Variants in PRDM6 observed in about 807,000 individuals in gnomAD.
PRDM6 encodes the protein PR/SET domain 6, also known as putative histone-lysine N-methyltransferase PRDM6.
A neutral mutation model predicts 60.8 loss-of-function variants in PRDM6; 25 were observed. That is an observed-to-expected ratio of 0.41 (90% CI 0.30 to 0.57). The LOEUF (loss-of-function observed/expected upper bound fraction) is 0.57, where lower values mean the gene tolerates loss of function less well. Among genes scored for constraint, PRDM6 ranks in the 20% least tolerant of loss-of-function variants. The pLI is 0.27. For missense variants in PRDM6, 839 were observed against 821.3 expected (o/e 1.02, Z -0.26); for synonymous variants, 407 against 357.4 (o/e 1.14, Z -1.57).
chr5:123,159,454 T>C (rs1264821617), intron 4 of PRDM6, 60 bp from the exon 5 acceptor site: 1 of 1,514,882 alleles, frequency 6.6e-7, no homozygotes, highest in African/African-American at 1.4e-5. Flanking sequence ...AATAAAAATA[T>C]GGATGGGGGC....
Position 123,107,713 on chromosome 5 carries a change from C to T in PRDM6, c.900+7752C>T, listed in dbSNP as rs550558070. 2.2e-4 allele frequency among the ~76,000 whole-genome samples: 34 copies of T among 152,236 alleles called. No homozygotes were observed. The East Asian group carries it at 6.2e-3, about 28-fold the overall frequency. ...TTTAACACAGTGTTGGGAATACAAA[C>T]AATTTTTGTTCTGATTTTTGTCCTG... On this transcript the variant is annotated intron_variant, in intron 3 of 7. Coordinates refer to ENST00000407847, the MANE Select transcript of PRDM6 (RefSeq NM_001136239.4).
At chr5:123,109,964 A>C (rs337134) in intron 3 of PRDM6, among the ~76,000 whole-genome samples, 123,610 of 152,152 alleles carry the variant, frequency 0.81, 50,551 homozygotes, top group Middle Eastern at 0.87. Flanking sequence ...CAGTGTCCAG[A>C]GTATTGTGAC....
At chr5:123,094,460 CGT>C (rs1763914390) in intron 2 of PRDM6, among the ~76,000 whole-genome samples, 1 of 151,976 alleles carries the variant, frequency 6.6e-6, no homozygotes, top group Non-Finnish European at 1.5e-5. Context: ...CTCTCTCTCG[CGT>C]GTGTGCAAGC....
chr5:123,153,412 G>C (rs1009603540), intron 3 of PRDM6, among the ~76,000 whole-genome samples: 2 of 152,122 alleles, frequency 1.3e-5, no homozygotes, highest in Non-Finnish European at 2.9e-5. Flanking sequence ...CTAGGCTCTG[G>C]GGGCTGAGGG....
At chr5:123,129,592 A>G (rs1049138989) in intron 3 of PRDM6, among the ~76,000 whole-genome samples, 7 of 152,216 alleles carry the variant, frequency 4.6e-5, no homozygotes, top group African/African-American at 1.4e-4. Context: ...TATAATTATC[A>G]TTAACAAATA....
intron 5 of PRDM6, among the ~76,000 whole-genome samples, chr5:123,164,252 T>C (rs1423023707): frequency 2.6e-5 from 4 of 152,150 alleles, no homozygotes; most frequent in African/African-American, 4.8e-5. Context: ...TGTCAGGCTG[T>C]CTAAGTCATT....
At chr5:123,112,434 G>C (rs1430381210) in intron 3 of PRDM6, among the ~76,000 whole-genome samples, 1 of 152,160 alleles carries the variant, frequency 6.6e-6, no homozygotes, top group Non-Finnish European at 1.5e-5. Flanking sequence ...CTAATTTGCT[G>C]ATCTTTTTCC....
In PRDM6 at chr5:123,192,641, T is replaced by C. The variant is rs560811049; in HGVS notation, c.*5440T>C. On this transcript the variant is annotated 3_prime_UTR_variant, in exon 8 of 8. Coordinates refer to ENST00000407847, the MANE Select transcript of PRDM6 (RefSeq NM_001136239.4). ...AAAAAAATAACCCTCTCAAGTGTGA[T>C]ATACATTAGGACAAATGGCAACAGG... The C allele has an allele frequency of 2.0e-5, 3 of 152,296 alleles. No individual in the cohort carries two copies. The highest frequency in any genetic ancestry group is 4.4e-5 in the Non-Finnish European group (3 of 68,016). The allele number at this position is 152,296 out of a possible 1,614,324, so 9.4% of individuals were successfully genotyped here.
At position 123,151,107 on chromosome 5, in the gene PRDM6, T is replaced by G. The variant is rs145046481; in HGVS notation, c.901-4777T>G. On this transcript the variant is annotated intron_variant, in intron 3 of 7. Coordinates refer to ENST00000407847, the MANE Select transcript of PRDM6 (RefSeq NM_001136239.4). Reference sequence around the variant, plus strand: ...TCCTTCTATGTGCTGGGCCCTGTATTAGATGTATGGGCATAAAATATGCTT... The same window carrying G: ...TCCTTCTATGTGCTGGGCCCTGTATGAGATGTATGGGCATAAAATATGCTT... Among the ~76,000 whole-genome samples, 357 of 152,264 alleles carry G rather than the reference T, an allele frequency of 2.3e-3. 1 individual carries two copies. The highest frequency in any genetic ancestry group is 8.4e-3 in the African/African-American group (350 of 41,550).
intron 6 of PRDM6, among the ~76,000 whole-genome samples, chr5:123,178,186 T>A (rs1176923715): frequency 6.6e-6 from 1 of 152,112 alleles, no homozygotes; most frequent in East Asian, 1.9e-4. Context: ...CCCCAACTTT[T>A]GACAGCAGAG....
chr5:123,159,837 C>T (rs1334636430), intron 5 of PRDM6, among the ~76,000 whole-genome samples, 199 bp downstream of exon 5: 2 of 152,180 alleles, frequency 1.3e-5, no homozygotes, highest in Admixed American at 6.5e-5. Context: ...ATGGGCCAGT[C>T]CTTCACTTAT....
At chr5:123,145,209 G>A (rs1404707046) in intron 3 of PRDM6, among the ~76,000 whole-genome samples, 2 of 152,166 alleles carry the variant, frequency 1.3e-5, no homozygotes, top group East Asian at 1.9e-4. Context: ...TTTTCCACAT[G>A]TAGGAATCCC....
intron 3 of PRDM6, among the ~76,000 whole-genome samples, chr5:123,106,708 A>G (rs1165271647): frequency 2.6e-5 from 4 of 152,248 alleles, no homozygotes; most frequent in Non-Finnish European, 4.4e-5. Context: ...TTTCCCCACC[A>G]GACGGAATGT....
At chr5:123,144,222 C>A (rs543522697) in intron 3 of PRDM6, among the ~76,000 whole-genome samples, 1 of 152,318 alleles carries the variant, frequency 6.6e-6, no homozygotes, top group Non-Finnish European at 1.5e-5. Context: ...AGGACAGCTT[C>A]CCCTAGAGCT....
chr5:123,152,162 G>GC (rs1426805216), intron 3 of PRDM6, among the ~76,000 whole-genome samples: 1 of 152,074 alleles, frequency 6.6e-6, no homozygotes, highest in African/African-American at 2.4e-5. Context: ...CTTTGAAAGT[G>GC]CCCCCAGCTG....
intron 3 of PRDM6, among the ~76,000 whole-genome samples, chr5:123,121,824 A>G (rs1397087343): frequency 6.6e-6 from 1 of 150,618 alleles, no homozygotes; most frequent in Admixed American, 6.6e-5. Context: ...CTCTTTTAAT[A>G]TGTAACAGTT....
chr5:123,166,754 A>T (rs1990923), intron 5 of PRDM6, among the ~76,000 whole-genome samples: 41,416 of 152,098 alleles, frequency 0.27, 6,209 homozygotes, highest in East Asian at 0.59. Context: ...AACTGAACTT[A>T]GTTTTATAGA....
At position 123,180,152 on chromosome 5, in the gene PRDM6, A is replaced by C; in HGVS notation, c.1502A>C (p.Tyr501Ser). The change falls in exon 7 of 8, where the codon TAC becomes TCC. Residue 501 changes from tyrosine (Y) to serine (S), a missense_variant. Tyr to Ser is a moderately radical substitution (Grantham distance 144). This residue lies in a region of PRDM6 where 109 missense variants were observed against 172.6 expected (regional missense o/e 0.63). Transcript: ENST00000407847. ...HVCTQNPDRPYQCGHCSQSFS... is the reference protein window; with the variant it reads ...HVCTQNPDRPSQCGHCSQSFS... ...AGTCTGTTTATTTGTTTCAGACCCT[A>C]CCAATGCGGCCACTGCTCCCAGTCC... The C allele has an allele frequency of 1.3e-6, 2 of 1,548,836 alleles. No individual in the cohort carries two copies. The highest frequency in any genetic ancestry group is 1.7e-6 in the Non-Finnish European group (2 of 1,144,924).
At chr5:123,107,880 T>A (rs114577868) in intron 3 of PRDM6, among the ~76,000 whole-genome samples, 1,630 of 152,348 alleles carry the variant, frequency 0.011, 25 homozygotes, top group African/African-American at 0.037. Flanking sequence ...TTTTCATTTT[T>A]AGTTAGTTGT....
Sources: gnomAD v4.1 joint callset for allele counts (sites outside exome capture counted in the v4.1 genomes callset) on GRCh38, gnomAD v4.1.1 for gene constraint, gnomAD v4.1.1 regional missense constraint, MANE v1.5 for transcripts, NCBI Gene and HGNC (gene_info 2026-07-23, HGNC 2026-07-21) for gene names.